RELN: variants seen among roughly 807,000 people sequenced by gnomAD.
RELN encodes reelin.
Under a neutral mutation model 427.6 loss-of-function variants are expected in RELN, and 108 were observed. The observed-to-expected ratio is 0.25, with a 90% CI of 0.22 to 0.30. The LOEUF (loss-of-function observed/expected upper bound fraction) is 0.30. Among genes scored for constraint, RELN ranks in the 10% least tolerant of loss-of-function variants. The probability of loss-of-function intolerance (pLI) is 1.00; values close to 1 mark genes in which losing one functional copy is unlikely to be tolerated. For synonymous variants in RELN, 1,524 were observed against 1,513.4 expected (o/e 1.01, Z -0.16); for missense variants, 3,715 against 4,302.8 (o/e 0.86, Z 3.82).
At chr7:103,622,755 A>G (rs1832248455) in intron 20 of RELN, among the ~76,000 whole-genome samples, 1 of 152,210 alleles carries the variant, frequency 6.6e-6, no homozygotes, top group Non-Finnish European at 1.5e-5. Context: ...CTTCTGCCAC[A>G]TAAAACCCCA....
At chr7:103,633,835 A>AT (rs2117344078) in intron 19 of RELN, among the ~76,000 whole-genome samples, 1 of 152,042 alleles carries the variant, frequency 6.6e-6, no homozygotes, top group South Asian at 2.1e-4. Flanking sequence ...CATTACCTTG[A>AT]TTTTTTGTTT....
intron 10 of RELN, among the ~76,000 whole-genome samples, chr7:103,686,194 G>C (rs1833761265): frequency 6.6e-6 from 1 of 152,106 alleles, no homozygotes; most frequent in Non-Finnish European, 1.5e-5. Context: ...GCTGGTGGCA[G>C]ATGGAATGAA....
At chr7:103,612,465 G>A (rs1276938246) in intron 20 of RELN, among the ~76,000 whole-genome samples, 1 of 152,074 alleles carries the variant, frequency 6.6e-6, no homozygotes, top group African/African-American at 2.4e-5. Flanking sequence ...AGTAGAGACA[G>A]TGTTTCTCCA....
intron 3 of RELN, among the ~76,000 whole-genome samples, chr7:103,786,059 C>T (rs1792006514): frequency 6.6e-6 from 1 of 151,720 alleles, no homozygotes; most frequent in African/African-American, 2.4e-5. Flanking sequence ...GCAAAGAAAT[C>T]CTGCCAAAGT....
At chr7:103,566,093 T>C in intron 33 of RELN, 131 bp downstream of exon 33, 1 of 793,510 alleles carries the variant, frequency 1.3e-6, no homozygotes, top group Admixed American at 2.2e-5. Flanking sequence ...AACTTTTTTT[T>C]CACTGAGAGC....
At chr7:103,769,734 A>T (rs1306650122) in intron 4 of RELN, among the ~76,000 whole-genome samples, 2 of 152,198 alleles carry the variant, frequency 1.3e-5, no homozygotes, top group African/African-American at 4.8e-5. Context: ...GAACATAAAC[A>T]ATTTCACAGA....
At chr7:103,476,372 T>G (rs964588996) in intron 64 of RELN, among the ~76,000 whole-genome samples, 1 of 152,000 alleles carries the variant, frequency 6.6e-6, no homozygotes, top group Non-Finnish European at 1.5e-5. Flanking sequence ...CCCAGCTACT[T>G]GGGAGGCTGA....
chr7:103,817,566 A>C (rs981045329), intron 3 of RELN, among the ~76,000 whole-genome samples: 15 of 152,232 alleles, frequency 9.9e-5, no homozygotes, highest in African/African-American at 3.6e-4. Flanking sequence ...AGAAACCATG[A>C]TGTCAAAGAA....
chr7:103,851,896 T>C (rs6465938), intron 2 of RELN, among the ~76,000 whole-genome samples: 43,802 of 152,104 alleles, frequency 0.29, 6,802 homozygotes, highest in East Asian at 0.62. Context: ...ACAGAAAATG[T>C]GAGCCCTCTG....
rs1432516483 is a variant in RELN, at chr7:103,940,966, T to C, written c.227-23781A>G. 7.9e-5 allele frequency among the ~76,000 whole-genome samples: 12 copies of C among 152,224 alleles called. 1 individual carries two copies. The highest frequency in any genetic ancestry group is 2.1e-4 in the South Asian group (1 of 4,836). ...CCTGGAAACTTCATTGCTAAATTAATAGTAACCTCTAATTCTAAAGGTCAA... is the reference window on the plus strand; with the variant it reads ...CCTGGAAACTTCATTGCTAAATTAACAGTAACCTCTAATTCTAAAGGTCAA... On this transcript the variant is annotated intron_variant, in intron 1 of 64. Coordinates refer to ENST00000428762, the MANE Select transcript of RELN (RefSeq NM_005045.4).
At chr7:103,760,253 T>TAA (rs749331587) in intron 4 of RELN, among the ~76,000 whole-genome samples, 1 of 146,566 alleles carries the variant, frequency 6.8e-6, no homozygotes, top group African/African-American at 2.5e-5. Context: ...TGCTAAAAGT[T>TAA]AAAAAAAAAA....
In RELN at chr7:103,486,640, C is replaced by A. The variant is rs531436137; in HGVS notation, c.9764-224G>T. ...CAAAAGAAGATATTTATGTGGCCAA[C>A]AAACATATGAAAAAAAGCTCATCAT... On this transcript the variant is annotated intron_variant, in intron 60 of 64. Coordinates refer to ENST00000428762, the MANE Select transcript of RELN (RefSeq NM_005045.4). Among the ~76,000 whole-genome samples the A allele has an allele frequency of 6.0e-4, 90 of 151,048 alleles. 1 individual carries two copies. The highest frequency in any genetic ancestry group is 2.1e-3 in the African/African-American group (87 of 41,158).
At chr7:103,689,847 A>G (rs2115736717) in intron 10 of RELN, among the ~76,000 whole-genome samples, 1 of 152,224 alleles carries the variant, frequency 6.6e-6, no homozygotes, top group South Asian at 2.1e-4. Context: ...CGCTCTGAAA[A>G]CTTACATCTA....
chr7:103,729,448 GA>G (rs1329957010), intron 6 of RELN, among the ~76,000 whole-genome samples: 1 of 152,146 alleles, frequency 6.6e-6, no homozygotes. Flanking sequence ...TTGATTAAAT[GA>G]TATTATTTTC....
intron 2 of RELN, among the ~76,000 whole-genome samples, chr7:103,850,383 G>A (rs569114046): frequency 4.4e-4 from 67 of 152,306 alleles, no homozygotes; most frequent in African/African-American, 1.6e-3. Flanking sequence ...CTAGAGCTGA[G>A]TCAAGTTAAA....
intron 24 of RELN, among the ~76,000 whole-genome samples, chr7:103,600,346 T>C (rs908038024): frequency 6.6e-6 from 1 of 152,200 alleles, no homozygotes; most frequent in African/African-American, 2.4e-5. Context: ...AGTGAGTGCA[T>C]GAATCTGGCT....
chr7:103,856,598 A>G (rs907323907), intron 2 of RELN, among the ~76,000 whole-genome samples: 12 of 145,120 alleles, frequency 8.3e-5, no homozygotes, highest in Non-Finnish European at 1.5e-4. Flanking sequence ...AGAAAGAAAG[A>G]AAGAAAAAAG....
At chr7:103,859,922 A>G (rs530645421) in intron 2 of RELN, among the ~76,000 whole-genome samples, 2 of 152,314 alleles carry the variant, frequency 1.3e-5, no homozygotes, top group South Asian at 4.1e-4. Context: ...TGACTTCATT[A>G]AAAAAACATG....
intron 2 of RELN, among the ~76,000 whole-genome samples, chr7:103,869,699 AT>A (rs1794282272): frequency 6.6e-6 from 1 of 152,032 alleles, no homozygotes; most frequent in South Asian, 2.1e-4. Context: ...TTGATTTCTC[AT>A]TGGCTATAGT....
Sources: gnomAD v4.1 joint callset for allele counts (sites outside exome capture counted in the v4.1 genomes callset) on GRCh38, gnomAD v4.1.1 for gene constraint, MANE v1.5 for transcripts, NCBI Gene and HGNC (gene_info 2026-07-23, HGNC 2026-07-21) for gene names.